Variants in GRIA3 observed in about 807,000 individuals in gnomAD.
GRIA3 encodes the protein glutamate ionotropic receptor AMPA type subunit 3.
Under a neutral mutation model 63.0 loss-of-function variants are expected in GRIA3, and 3 were observed. That is an observed-to-expected ratio of 0.05 (90% CI 0.02 to 0.12). The LOEUF is 0.12. Ranked by LOEUF, GRIA3 falls within the 10% of genes least tolerant of loss-of-function variation. GRIA3 has a pLI of 1.00. For missense variants in GRIA3, 347 were observed against 700.9 expected, an observed-to-expected ratio of 0.50 and a Z score of 5.70; for synonymous variants, 274 against 257.9, an observed-to-expected ratio of 1.06 and a Z score of -0.60.
At position 123,184,592 on chromosome X, in the gene GRIA3, C is replaced by T. The variant is rs896354134; in HGVS notation, c.57C>T (p.Val19=). ...TGCTCCGGGCGGTCTTCTTTTTAGT[C>T]CTGGGGCTTTTGGGTCATTCTCACG... ...QSVLRAVFFL[V]LGLLGHSHGG... is the part of the protein sequence containing the mutation. Residue 19 remains valine, a synonymous_variant, in exon 1 of 16, where the codon GTC becomes GTT. Coordinates refer to ENST00000620443, the MANE Select transcript of GRIA3 (RefSeq NM_007325.5). The T allele has an allele frequency of 8.3e-7, 1 of 1,209,602 alleles. No homozygotes were observed. The highest frequency in any genetic ancestry group is 1.1e-6 in the Non-Finnish European group (1 of 894,080).
chrX:123,484,405 G>A (rs946050361), intron 15 of GRIA3, among the ~76,000 whole-genome samples: 1 of 111,919 alleles, frequency 8.9e-6, no homozygotes, highest in African/African-American at 3.2e-5. Flanking sequence ...CAATATGCTG[G>A]GATTTCTACA....
chrX:123,310,692 C>T (rs956650575), intron 3 of GRIA3, among the ~76,000 whole-genome samples: 13 of 112,582 alleles, frequency 1.2e-4, no homozygotes, highest in African/African-American at 4.2e-4. Context: ...TTCTAGCCTC[C>T]TTTTGTCTCT....
intron 2 of GRIA3, among the ~76,000 whole-genome samples, chrX:123,211,923 TGTA>T (rs997632625): frequency 2.7e-5 from 3 of 111,922 alleles, no homozygotes; most frequent in Non-Finnish European, 3.8e-5. Context: ...TAATTTTTAT[TGTA>T]CCGTATAGTA....
At chrX:123,370,290 G>T (rs1406426741) in intron 5 of GRIA3, among the ~76,000 whole-genome samples, 1 of 39,546 alleles carries the variant, frequency 2.5e-5, no homozygotes, top group South Asian at 6.9e-4. Context: ...ATATGGGGTG[G>T]TCATGCTGCT....
intron 11 of GRIA3, among the ~76,000 whole-genome samples, chrX:123,422,496 C>G (rs56118710): frequency 0.028 from 3,158 of 111,298 alleles, 95 homozygotes; most frequent in African/African-American, 0.096. Context: ...TCAATTCAAC[C>G]TTTTTCCCCC....
chrX:123,375,742 G>C (rs1414231921), intron 5 of GRIA3, among the ~76,000 whole-genome samples: 1 of 111,893 alleles, frequency 8.9e-6, no homozygotes, highest in African/African-American at 3.2e-5. Flanking sequence ...CATTAGATGG[G>C]AAATAGATGA....
intron 12 of GRIA3, among the ~76,000 whole-genome samples, chrX:123,461,697 G>T (rs2045793523): frequency 9.0e-6 from 1 of 111,392 alleles, no homozygotes; most frequent in African/African-American, 3.3e-5. Context: ...CATTTTGGAA[G>T]AATCACTAGA....
intron 3 of GRIA3, among the ~76,000 whole-genome samples, chrX:123,282,479 G>T (rs767243918): frequency 8.9e-6 from 1 of 112,642 alleles, no homozygotes; most frequent in Admixed American, 9.4e-5. Flanking sequence ...TCTAGAAATA[G>T]GAAAACCCTC....
At chrX:123,419,340 C>T (rs1213503125) in intron 11 of GRIA3, among the ~76,000 whole-genome samples, 1 of 106,816 alleles carries the variant, frequency 9.4e-6, no homozygotes, top group Non-Finnish European at 1.9e-5. Context: ...ACCTGGGAGG[C>T]GGAGATTGCA....
intron 12 of GRIA3, among the ~76,000 whole-genome samples, chrX:123,455,246 G>A (rs1030094183): frequency 1.8e-5 from 2 of 111,606 alleles, no homozygotes; most frequent in East Asian, 5.6e-4. Context: ...ACAGTCTCAT[G>A]ACAGCTGCTG....
intron 3 of GRIA3, among the ~76,000 whole-genome samples, chrX:123,300,360 CTTTTTTTTTT>C (rs147031319): frequency 8.9e-5 from 2 of 22,509 alleles, no homozygotes; most frequent in African/African-American, 3.8e-4. Context: ...TGGTCCTGGG[CTTTTTTTTTT>C]TTTTTTTTTT....
At chrX:123,316,822 T>C (rs2044834388) in intron 3 of GRIA3, among the ~76,000 whole-genome samples, 1 of 112,174 alleles carries the variant, frequency 8.9e-6, no homozygotes, top group South Asian at 3.7e-4. Context: ...AGACTCCATA[T>C]ATGACAGTGG....
chrX:123,452,368 A>T (rs1306258030), intron 12 of GRIA3, among the ~76,000 whole-genome samples: 1 of 110,656 alleles, frequency 9.0e-6, no homozygotes, highest in Non-Finnish European at 1.9e-5. Flanking sequence ...CCCCCAAAAA[A>T]AAAAAACTCT....
At chrX:123,348,986 A>C (rs2045073659) in intron 4 of GRIA3, among the ~76,000 whole-genome samples, 1 of 112,227 alleles carries the variant, frequency 8.9e-6, no homozygotes, top group Non-Finnish European at 1.9e-5. Flanking sequence ...CTGGTGGTAC[A>C]CAAGAGGATT....
chrX:123,440,975 A>T (rs2045670930), intron 12 of GRIA3, among the ~76,000 whole-genome samples: 1 of 111,533 alleles, frequency 9.0e-6, no homozygotes. Context: ...TGATTTTCCA[A>T]CCCACTGGGT....
At chrX:123,348,798 G>A (rs1289460592) in intron 4 of GRIA3, among the ~76,000 whole-genome samples, 6 of 111,817 alleles carry the variant, frequency 5.4e-5, no homozygotes, top group Non-Finnish European at 1.1e-4. Context: ...GCTACCTTCC[G>A]AACTCTGTCC....
chrX:123,312,562 G>A (rs1291390280), intron 3 of GRIA3, among the ~76,000 whole-genome samples: 1 of 111,856 alleles, frequency 8.9e-6, no homozygotes. Context: ...GTAGATTAGA[G>A]TGGGCCTCAG....
At chrX:123,471,522 T>C (rs985894300) in intron 13 of GRIA3, among the ~76,000 whole-genome samples, 1 of 111,468 alleles carries the variant, frequency 9.0e-6, no homozygotes, top group Non-Finnish European at 1.9e-5. Context: ...GCCACAGGAA[T>C]GAAAAGCCTG....
chrX:123,332,077 C>G (rs1312603729), intron 4 of GRIA3, among the ~76,000 whole-genome samples: 1 of 111,331 alleles, frequency 9.0e-6, no homozygotes, highest in African/African-American at 3.3e-5. Flanking sequence ...GGTATCAGTT[C>G]AATCTAAGGT....
Sources: allele counts gnomAD v4.1 joint callset (sites outside exome capture counted in the v4.1 genomes callset), GRCh38; gene constraint gnomAD v4.1.1; transcripts MANE v1.5; gene names NCBI Gene and HGNC (gene_info 2026-07-23, HGNC 2026-07-21).